The following ZBBX variants were observed in gnomAD, a reference collection of about 807,000 sequenced individuals.
ZBBX encodes zinc finger B-box domain containing.
A neutral mutation model predicts 108.5 loss-of-function variants in ZBBX; 101 were observed. The observed-to-expected ratio is 0.93, with a 90% CI of 0.79 to 1.10. The LOEUF (loss-of-function observed/expected upper bound fraction) is 1.10. ZBBX is among the 50% of genes least tolerant of loss of function. The pLI is 0.00. For missense variants in ZBBX, 1,009 were observed against 941.4 expected, an observed-to-expected ratio of 1.07 and a Z score of -0.94; for synonymous variants, 356 against 323.4, an observed-to-expected ratio of 1.10 and a Z score of -1.08.
intron 1 of ZBBX, among the ~76,000 whole-genome samples, chr3:167,386,166 T>C (rs1577142388): frequency 6.6e-6 from 1 of 151,534 alleles, no homozygotes; most frequent in African/African-American, 2.4e-5. Context: ...AAAGAAAAAA[T>C]AAAGGATGGA....
chr3:167,190,676 G>C, the ZBBX span, among the ~76,000 whole-genome samples: 1 of 152,066 alleles, frequency 6.6e-6, no homozygotes, highest in African/African-American at 2.4e-5. Flanking sequence ...CACCGCGTCC[G>C]GCCCATGTTT....
At chr3:167,260,107 A>C (rs1419468050) in intron 20 of ZBBX, among the ~76,000 whole-genome samples, 2 of 152,188 alleles carry the variant, frequency 1.3e-5, no homozygotes, top group Non-Finnish European at 2.9e-5. Context: ...GTTTCACTGG[A>C]TACAAAATTC....
intron 1 of ZBBX, among the ~76,000 whole-genome samples, chr3:167,390,981 T>C (rs550495202): frequency 6.6e-6 from 1 of 152,222 alleles, no homozygotes; most frequent in East Asian, 1.9e-4. Flanking sequence ...TTTATTTCTT[T>C]CTCTTGCCTG....
chr3:167,390,429 T>C (rs958016813), intron 1 of ZBBX, among the ~76,000 whole-genome samples: 2 of 152,156 alleles, frequency 1.3e-5, no homozygotes, highest in Admixed American at 1.3e-4. Flanking sequence ...TGTCTCCAGC[T>C]TTCTTCTTTT....
At chr3:167,220,000 G>C in the ZBBX span, among the ~76,000 whole-genome samples, 2 of 151,868 alleles carry the variant, frequency 1.3e-5, no homozygotes, top group East Asian at 3.9e-4. Context: ...AAACACAGAA[G>C]AATTGGATAA....
chr3:167,305,863 A>C lies in ZBBX; in HGVS notation c.1505T>G (p.Phe502Cys), dbSNP rs377200830. The change falls in exon 17 of 22, where the codon TTT (phenylalanine) becomes TGT (cysteine). Residue 502 changes from phenylalanine to cysteine, a missense_variant. Phe to Cys is a radical substitution (Grantham distance 205). Transcript: ENST00000675490. ...ATTTTTCTCCTTTAAATTTCTTTCA[A>C]AGGAGGTGCTTTCCTCAATTTTTTC... ...DIEKIEESTS[F>C]ERNLKEKNIG... 1.2e-6 allele frequency: 2 copies of C among 1,609,952 alleles called. No homozygotes were observed. Among genetic ancestry groups the C allele is most frequent in the Non-Finnish European group, 1.7e-6 (2 of 1,178,300 alleles).
chr3:167,242,568 T>C lies in ZBBX; in HGVS notation c.2330A>G (p.Gln777Arg). 1 of 1,613,774 alleles carries C rather than the reference T, an allele frequency of 6.2e-7. No homozygotes were observed. ...GGTCTTAAGGAAATCTGTGGAAATC[T>C]GACTTATATTCAGTGATTGGCTGCT... ...DFSSQSLNIS[Q>R]ISTDFLKTSH... is the part of the protein sequence containing the mutation. The change falls in exon 21 of 22, where the codon CAG becomes CGG. Residue 777 changes from glutamine (Q) to arginine (R), a missense_variant. Gln to Arg is a conservative substitution (Grantham distance 43). Transcript: ENST00000675490.
the ZBBX span, among the ~76,000 whole-genome samples, chr3:167,206,353 C>T: frequency 3.3e-5 from 5 of 152,084 alleles, no homozygotes; most frequent in Admixed American, 6.5e-5. Context: ...TATACATGCA[C>T]ACATACATAC....
At chr3:167,243,104 T>C (rs1720962193) in intron 20 of ZBBX, among the ~76,000 whole-genome samples, 1 of 152,220 alleles carries the variant, frequency 6.6e-6, no homozygotes, top group Non-Finnish European at 1.5e-5. Flanking sequence ...TTTGAGTAGA[T>C]AATAACTGTT....
At chr3:167,248,759 A>T (rs1042134964) in intron 20 of ZBBX, 2 of 419,822 alleles carry the variant, frequency 4.8e-6, no homozygotes, top group Non-Finnish European at 9.6e-6. Context: ...GAAGGAGGCC[A>T]TGCTTCATGG....
the ZBBX span, among the ~76,000 whole-genome samples, chr3:167,207,635 T>A: frequency 6.6e-6 from 1 of 152,256 alleles, no homozygotes; most frequent in Middle Eastern, 3.4e-3. Flanking sequence ...CATTGTTAAA[T>A]GAAATAAGCC....
rs1722302013 is a variant in ZBBX, at chr3:167,250,037, A to AGC, written c.2255-7396_2255-7395dup. 4.6e-5 allele frequency among the ~76,000 whole-genome samples: 7 copies of AGC among 152,328 alleles called. No individual in the cohort carries two copies. In the South Asian group the frequency reaches 1.4e-3, roughly 32 times the overall value. ...CCACTGCCTTCCTGGAAAGGCTAAG[A>AGC]GCGGCCTTGACAAAGCACACCTCTA... is the stretch of plus-strand genomic sequence containing the variant. On this transcript the variant is annotated intron_variant, in intron 20 of 21. Transcript: ENST00000675490.
At chr3:167,397,166 A>AAAAAAAAAAAAAAAAAAAAAAAAAAAAC (rs1748265803) in intron 1 of ZBBX, among the ~76,000 whole-genome samples, 1 of 148,260 alleles carries the variant, frequency 6.7e-6, no homozygotes, top group Non-Finnish European at 1.5e-5. Flanking sequence ...AAAAAAAAAA[A>AAAAAAAAAAAAAAAAAAAAAAAAAAAAC]TCTGACTCCT....
intron 1 of ZBBX, chr3:167,399,549 G>A (rs781540581): frequency 6.6e-6 from 1 of 152,114 alleles, no homozygotes; most frequent in Non-Finnish European, 1.5e-5. Flanking sequence ...ACTGAGATGG[G>A]CGCTGGAGTA....
chr3:167,261,648 A>G (rs1724548246), intron 20 of ZBBX, among the ~76,000 whole-genome samples: 1 of 151,862 alleles, frequency 6.6e-6, no homozygotes, highest in African/African-American at 2.4e-5. Flanking sequence ...CAGCTCCCAC[A>G]CAAACTGAAG....
rs751187105 is a variant in ZBBX at position 167,365,894 on chromosome 3, C to T, written c.265G>A (p.Val89Ile). ...AAATAGTATCTTCTTACCTTAACAA[C>T]ATTTCCTTTATTTTGTGACATCATA... is the stretch of plus-strand genomic sequence containing the variant. ...SYMMSQNKGNVVKFSAGKVKL... is the reference protein window; with the variant it reads ...SYMMSQNKGNIVKFSAGKVKL... Residue 89 changes from valine to isoleucine, a missense_variant, in exon 6 of 22, where the codon GTT becomes ATT. Coordinates refer to ENST00000675490, the MANE Select transcript of ZBBX (RefSeq NM_001199201.2). The T allele has an allele frequency of 8.1e-6, 13 of 1,604,706 alleles. No homozygotes were observed. Among genetic ancestry groups the T allele is most frequent in the Middle Eastern group, 3.3e-4 (2 of 6,032 alleles).
At chr3:167,369,727 G>A (rs550240282) in intron 4 of ZBBX, among the ~76,000 whole-genome samples, 2 of 152,250 alleles carry the variant, frequency 1.3e-5, no homozygotes, top group South Asian at 4.2e-4. Flanking sequence ...GGCTACCTGG[G>A]CACAAAGAAA....
At chr3:167,313,935 T>G (rs759724853) in intron 16 of ZBBX, 39 bp downstream of exon 16, 1 of 1,499,452 alleles carries the variant, frequency 6.7e-7, no homozygotes, top group African/African-American at 1.4e-5. Context: ...ATTATCAACA[T>G]GCACTGTTAA....
At chr3:167,369,109 T>C (rs1560193905) in intron 4 of ZBBX, among the ~76,000 whole-genome samples, 1 of 152,182 alleles carries the variant, frequency 6.6e-6, no homozygotes, top group African/African-American at 2.4e-5. Flanking sequence ...TTAACAGTTT[T>C]GGTACGGGAG....
Sources: allele counts gnomAD v4.1 joint callset (sites outside exome capture counted in the v4.1 genomes callset), GRCh38; gene constraint gnomAD v4.1.1; transcripts MANE v1.5; gene names NCBI Gene and HGNC (gene_info 2026-07-23, HGNC 2026-07-21).